SPOCK3: variants seen among roughly 807,000 people sequenced by gnomAD.
SPOCK3 encodes SPARC (osteonectin), cwcv and kazal like domains proteoglycan 3.
SPOCK3 carries 30 observed loss-of-function variants against 56.6 expected under a neutral mutation model. That is an observed-to-expected ratio of 0.53 (90% confidence interval 0.40 to 0.72). The LOEUF (loss-of-function observed/expected upper bound fraction) is 0.72, where lower values mean the gene tolerates loss of function less well. Ranked by LOEUF, SPOCK3 falls within the 30% of genes least tolerant of loss-of-function variation. SPOCK3 has a pLI of 0.00. For synonymous variants in SPOCK3, 196 were observed against 183.3 expected, an observed-to-expected ratio of 1.07 and a Z score of -0.56; for missense variants, 527 against 530.0, an observed-to-expected ratio of 0.99 and a Z score of 0.06.
intron 7 of SPOCK3, among the ~76,000 whole-genome samples, chr4:166,774,416 A>G (rs1313373417): frequency 2.0e-5 from 3 of 152,136 alleles, no homozygotes; most frequent in Admixed American, 6.6e-5. Context: ...ACATACAAGC[A>G]TATGTCTTGT....
intron 3 of SPOCK3, among the ~76,000 whole-genome samples, chr4:167,057,286 G>GTTC: frequency 6.6e-6 from 1 of 152,254 alleles, no homozygotes; most frequent in East Asian, 1.9e-4. Context: ...CCTCAAGGAA[G>GTTC]CACTAAACAT....
At chr4:166,803,065 C>T (rs1430073941) in intron 6 of SPOCK3, among the ~76,000 whole-genome samples, 4 of 152,064 alleles carry the variant, frequency 2.6e-5, no homozygotes, top group Non-Finnish European at 5.9e-5. Flanking sequence ...CACACATGAG[C>T]ACACATGCAC....
At chr4:167,177,656 G>A (rs1175483418) in intron 2 of SPOCK3, among the ~76,000 whole-genome samples, 1 of 152,070 alleles carries the variant, frequency 6.6e-6, no homozygotes, top group African/African-American at 2.4e-5. Flanking sequence ...TAAATGGAGG[G>A]CAGACTATAA....
intron 7 of SPOCK3, among the ~76,000 whole-genome samples, chr4:166,780,818 T>C (rs950441053): frequency 6.6e-6 from 1 of 152,074 alleles, no homozygotes; most frequent in Non-Finnish European, 1.5e-5. Context: ...GCTTAAGAAG[T>C]GCCAACCTTC....
intron 3 of SPOCK3, among the ~76,000 whole-genome samples, chr4:167,022,089 C>T (rs1751241835): frequency 6.6e-6 from 1 of 151,800 alleles, no homozygotes; most frequent in African/African-American, 2.4e-5. Context: ...GTGTGATACC[C>T]GAACGTCATT....
intron 7 of SPOCK3, among the ~76,000 whole-genome samples, chr4:166,787,150 CTA>C (rs1167482055): frequency 6.6e-6 from 1 of 152,034 alleles, no homozygotes; most frequent in East Asian, 1.9e-4. Context: ...AAAACAAGCT[CTA>C]TGGTATTTCT....
intron 2 of SPOCK3, among the ~76,000 whole-genome samples, chr4:167,087,836 T>C (rs1758338694): frequency 6.6e-6 from 1 of 152,146 alleles, no homozygotes; most frequent in Admixed American, 6.6e-5. Flanking sequence ...ACATCATTTA[T>C]TTATAATCTA....
At chr4:167,204,419 A>G in intron 2 of SPOCK3, among the ~76,000 whole-genome samples, 1 of 152,130 alleles carries the variant, frequency 6.6e-6, no homozygotes, top group East Asian at 1.9e-4. Context: ...ACTTACAAGC[A>G]TGGCGGAAGG....
At chr4:166,744,777 T>G (rs758756437) in intron 8 of SPOCK3, among the ~76,000 whole-genome samples, 1 of 152,054 alleles carries the variant, frequency 6.6e-6, no homozygotes, top group African/African-American at 2.4e-5. Context: ...ATAAACAGCA[T>G]AGGGAAGACC....
intron 6 of SPOCK3, among the ~76,000 whole-genome samples, chr4:166,847,245 G>A (rs762227213): frequency 6.6e-6 from 1 of 152,054 alleles, no homozygotes; most frequent in African/African-American, 2.4e-5. Context: ...CAGGCCATTT[G>A]GGAGGAGCTA....
intron 7 of SPOCK3, among the ~76,000 whole-genome samples, chr4:166,772,431 T>G (rs1579184034): frequency 6.6e-6 from 1 of 152,258 alleles, no homozygotes; most frequent in East Asian, 1.9e-4. Context: ...CCTAAAAGAC[T>G]CTGTGTCCAA....
intron 2 of SPOCK3, among the ~76,000 whole-genome samples, chr4:167,128,465 A>G (rs1276818163): frequency 6.6e-6 from 1 of 152,080 alleles, no homozygotes; most frequent in Non-Finnish European, 1.5e-5. Context: ...CTTCTTCTCA[A>G]TATTTATCTC....
At chr4:167,131,614 A>T (rs1345210133) in intron 2 of SPOCK3, among the ~76,000 whole-genome samples, 1 of 152,106 alleles carries the variant, frequency 6.6e-6, no homozygotes, top group Non-Finnish European at 1.5e-5. Context: ...CACAAAAAAA[A>T]CCAAAACCAA....
At position 167,218,674 on chromosome 4, in the gene SPOCK3, T is replaced by C. The variant is rs1413642517; in HGVS notation, c.189+15311A>G. On this transcript the variant is annotated intron_variant, in intron 2 of 10. Transcript: ENST00000357545. Reference sequence around the variant, plus strand: ...TATTTTTTCCTATCTTGACCACTAATTTGTTATCTGAATTAAACATGTCAT... The same window carrying C: ...TATTTTTTCCTATCTTGACCACTAACTTGTTATCTGAATTAAACATGTCAT... 2.0e-5 allele frequency among the ~76,000 whole-genome samples: 3 copies of C among 152,150 alleles called. No individual in the cohort carries two copies. In the East Asian group the frequency reaches 5.8e-4, roughly 29 times the overall value.
At chr4:166,965,808 C>T (rs765787937) in intron 4 of SPOCK3, among the ~76,000 whole-genome samples, 2 of 151,946 alleles carry the variant, frequency 1.3e-5, no homozygotes, top group African/African-American at 4.8e-5. Context: ...CCCACTAGAG[C>T]GGTACATTTA....
intron 6 of SPOCK3, among the ~76,000 whole-genome samples, chr4:166,810,031 C>A (rs1560882492): frequency 6.6e-6 from 1 of 152,042 alleles, no homozygotes; most frequent in Non-Finnish European, 1.5e-5. Flanking sequence ...TCATTCCTAC[C>A]CGCTTCTCCA....
At chr4:166,753,676 C>T (rs1018751498) in intron 8 of SPOCK3, among the ~76,000 whole-genome samples, 1 of 151,988 alleles carries the variant, frequency 6.6e-6, no homozygotes, top group African/African-American at 2.4e-5. Flanking sequence ...TCTTAGTTCT[C>T]AAGAATTTAA....
intron 6 of SPOCK3, among the ~76,000 whole-genome samples, chr4:166,855,963 T>G (rs1408287779): frequency 6.6e-6 from 1 of 152,154 alleles, no homozygotes; most frequent in Non-Finnish European, 1.5e-5. Context: ...GGAAGACTAT[T>G]GAAAAGGTTA....
At chr4:166,855,866 G>A (rs1432374424) in intron 6 of SPOCK3, among the ~76,000 whole-genome samples, 1 of 152,052 alleles carries the variant, frequency 6.6e-6, no homozygotes, top group African/African-American at 2.4e-5. Context: ...TGATTATCTG[G>A]GGAACACATT....
Sources: gnomAD v4.1 joint callset for allele counts (sites outside exome capture counted in the v4.1 genomes callset) on GRCh38, gnomAD v4.1.1 for gene constraint, MANE v1.5 for transcripts, NCBI Gene and HGNC (gene_info 2026-07-23, HGNC 2026-07-21) for gene names.